Variants in CIT observed in about 807,000 individuals in gnomAD.
The protein encoded by CIT is citron rho-interacting serine/threonine kinase.
CIT carries 79 observed loss-of-function variants against 272.7 expected under a neutral mutation model. The observed-to-expected ratio is 0.29, with a 90% CI of 0.24 to 0.35. CIT has a LOEUF of 0.35. Among genes scored for constraint, CIT ranks in the 10% least tolerant of loss-of-function variants. CIT has a pLI of 1.00. For missense variants in CIT, 1,909 were observed against 2,618.3 expected (o/e 0.73, Z 5.91); for synonymous variants, 948 against 995.6 (o/e 0.95, Z 0.90).
chr12:119,729,042 A>G (rs1047301478), intron 27 of CIT, among the ~76,000 whole-genome samples: 70 of 152,246 alleles, frequency 4.6e-4, no homozygotes, highest in Non-Finnish European at 1.2e-4. Flanking sequence ...CTGTCAGCTT[A>G]TAAGTTTGAT....
intron 9 of CIT, among the ~76,000 whole-genome samples, chr12:119,820,623 A>G (rs1457605670): frequency 6.6e-6 from 1 of 152,122 alleles, no homozygotes; most frequent in African/African-American, 2.4e-5. Context: ...GAACTCTTCC[A>G]TACTATCTTT....
At chr12:119,758,877 G>T (rs1366195441) in intron 20 of CIT, among the ~76,000 whole-genome samples, 177 bp from the exon 21 acceptor site, 1 of 152,158 alleles carries the variant, frequency 6.6e-6, no homozygotes, top group Non-Finnish European at 1.5e-5. Flanking sequence ...ATGGTACTTG[G>T]TTGTTTTTTC....
chr12:119,759,071 G>A (rs1362066529), intron 20 of CIT, among the ~76,000 whole-genome samples: 4 of 152,098 alleles, frequency 2.6e-5, no homozygotes, highest in Non-Finnish European at 5.9e-5. Flanking sequence ...CCACCTCCTC[G>A]AGGGTTGTCA....
rs59380143 is a variant in CIT, at chr12:119,807,890, TAAAAA to T, written c.1112-4506_1112-4502del. On this transcript the variant is annotated intron_variant, in intron 9 of 47. Transcript: ENST00000392521. ...CCTATTGTTCACTGGGAAAAGCCAC[TAAAAA>T]AAAAAATAGAAAAAAATATTTCCAT... Among the ~76,000 whole-genome samples the T allele has an allele frequency of 7.6e-5, 11 of 144,002 alleles. No individual in the cohort carries two copies. The South Asian group carries it at 2.0e-3, about 26-fold the overall frequency. 94.5% of individuals were successfully genotyped at this position (144,002 alleles called of 152,430 possible). A position where few individuals can be genotyped will look rare whatever the true frequency, so the allele number is the denominator to read the frequency against.
At chr12:119,807,145 A>G (rs577113228) in intron 9 of CIT, among the ~76,000 whole-genome samples, 18 of 152,250 alleles carry the variant, frequency 1.2e-4, no homozygotes, top group Non-Finnish European at 2.5e-4. Context: ...ACGTTGTAAC[A>G]AGGTCCCCAG....
At chr12:119,735,861 CA>C (rs1312782119) in intron 24 of CIT, among the ~76,000 whole-genome samples, 1 of 152,088 alleles carries the variant, frequency 6.6e-6, no homozygotes, top group Non-Finnish European at 1.5e-5. Flanking sequence ...GATAATATCA[CA>C]AGCAATAAAT....
At chr12:119,803,502 G>A in intron 9 of CIT, 113 bp from the exon 10 acceptor site, 1 of 718,412 alleles carries the variant, frequency 1.4e-6, no homozygotes, top group Non-Finnish European at 2.3e-6. Context: ...TGGCACTGCA[G>A]CGCCTGCTTT....
rs889203155 is a variant in CIT, at chr12:119,770,192, G to C, written c.2208+593C>G. Reference sequence around the variant, plus strand: ...CTTGATCAAGTTAATTTGGTGATCAGAGCCTGAGACAGAATCAGGATGACT... The same window carrying C: ...CTTGATCAAGTTAATTTGGTGATCACAGCCTGAGACAGAATCAGGATGACT... On this transcript the variant is annotated intron_variant, in intron 18 of 47. Coordinates refer to ENST00000392521, the MANE Select transcript of CIT (RefSeq NM_001206999.2). This position sits in a 1 kb window ranked among gnomAD's most constrained non-coding sequence, Gnocchi z 4.4. Among the ~76,000 whole-genome samples, 2 of 152,140 alleles carry C rather than the reference G, an allele frequency of 1.3e-5. No individual in the cohort carries two copies. Among genetic ancestry groups the C allele is most frequent in the Non-Finnish European group, 2.9e-5 (2 of 68,024 alleles).
In CIT at chr12:119,719,660, T is replaced by G. The variant is rs140215248; in HGVS notation, c.3841-799A>C. 2.6e-5 allele frequency among the ~76,000 whole-genome samples: 4 copies of G among 152,258 alleles called. No homozygotes were observed. The East Asian group carries it at 7.7e-4, about 29-fold the overall frequency. The stretch of plus-strand genomic sequence containing the variant: ...GGAAATATTGAGACAACTGTCAACT[T>G]CAGCCCTCCACTCCTTCCTCCTAGG... On this transcript the variant is annotated intron_variant, in intron 30 of 47. Coordinates refer to ENST00000392521, the MANE Select transcript of CIT (RefSeq NM_001206999.2).
intron 4 of CIT, among the ~76,000 whole-genome samples, chr12:119,851,509 A>G (rs536747425): frequency 6.6e-6 from 1 of 152,316 alleles, no homozygotes; most frequent in East Asian, 1.9e-4. Context: ...AAAGAACCTG[A>G]ACATCTTGCT....
At chr12:119,704,710 C>T (rs1374222834) in intron 40 of CIT, among the ~76,000 whole-genome samples, 1 of 152,190 alleles carries the variant, frequency 6.6e-6, no homozygotes, top group East Asian at 1.9e-4. Context: ...CCTGGTAAGG[C>T]AGAATTACCC....
At chr12:119,829,376 G>A (rs985851883) in intron 7 of CIT, among the ~76,000 whole-genome samples, 2 of 151,470 alleles carry the variant, frequency 1.3e-5, no homozygotes, top group Non-Finnish European at 2.9e-5. Flanking sequence ...GAAGAGAAGA[G>A]AAGAGAAGAG....
At chr12:119,850,440 AAAGGGAAGGAAAGGG>A (rs1430600658) in intron 4 of CIT, among the ~76,000 whole-genome samples, 165 bp from the exon 5 acceptor site, 4 of 145,706 alleles carry the variant, frequency 2.7e-5, no homozygotes, top group Non-Finnish European at 6.0e-5. Flanking sequence ...AAGAAGAGGG[AAAGGGAAGGAAAGGG>A]AAGGGAAGGG....
At chr12:119,876,597 G>A (rs1301883538) in intron 1 of CIT, among the ~76,000 whole-genome samples, 1 of 152,168 alleles carries the variant, frequency 6.6e-6, no homozygotes, top group Non-Finnish European at 1.5e-5. Flanking sequence ...AGCAAGAAAA[G>A]GACAATGGGG....
intron 24 of CIT, among the ~76,000 whole-genome samples, chr12:119,736,051 T>G (rs976156060): frequency 3.3e-5 from 5 of 152,212 alleles, no homozygotes; most frequent in Non-Finnish European, 5.9e-5. Context: ...CGGGGTTTGC[T>G]AAATTACTCT....
intron 10 of CIT, among the ~76,000 whole-genome samples, chr12:119,785,778 C>T (rs1287350605): frequency 6.6e-6 from 1 of 152,106 alleles, no homozygotes; most frequent in Non-Finnish European, 1.5e-5. Context: ...TGGGGTTTCA[C>T]CATGTTGGCT....
chr12:119,850,486 G>A (rs973803922), intron 4 of CIT, among the ~76,000 whole-genome samples: 1 of 150,516 alleles, frequency 6.6e-6, no homozygotes, highest in Non-Finnish European at 1.5e-5. Context: ...GGAAGGAAAG[G>A]GAAGGGAAAG....
At position 119,788,889 on chromosome 12, in the gene CIT, C is replaced by A. The variant is rs951886148; in HGVS notation, c.1296-3824G>T. Reference sequence around the variant, plus strand: ...TTTAGAATAAAGGTGCTAAAGAAATCTTTTTCTTTAAGAATAAATAAAAAT... The same window carrying A: ...TTTAGAATAAAGGTGCTAAAGAAATATTTTTCTTTAAGAATAAATAAAAAT... On this transcript the variant is annotated intron_variant, in intron 10 of 47. Transcript: ENST00000392521. Among the ~76,000 whole-genome samples the A allele has an allele frequency of 8.5e-5, 13 of 152,108 alleles. No individual in the cohort carries two copies. The East Asian group carries it at 1.2e-3, about 14-fold the overall frequency.
rs1159116229 is a variant in CIT, at chr12:119,770,159, G to A, written c.2208+626C>T. ...GTCAACACATCTGCAAATACCACCC[G>A]AACCTTCCTTGATCAAGTTAATTTG... On this transcript the variant is annotated intron_variant, in intron 18 of 47. Coordinates refer to ENST00000392521, the MANE Select transcript of CIT (RefSeq NM_001206999.2). The surrounding 1 kb of genome is among the most constrained non-coding windows in gnomAD (Gnocchi z 4.4). 6.6e-6 allele frequency among the ~76,000 whole-genome samples: 1 copy of A among 152,060 alleles called. No individual in the cohort carries two copies. The highest frequency in any genetic ancestry group is 1.5e-5 in the Non-Finnish European group (1 of 68,006).
Sources: gnomAD v4.1 joint callset for allele counts (sites outside exome capture counted in the v4.1 genomes callset) on GRCh38, gnomAD v4.1.1 for gene constraint, Gnocchi (gnomAD v3.1) non-coding constraint, MANE v1.5 for transcripts, NCBI Gene and HGNC (gene_info 2026-07-23, HGNC 2026-07-21) for gene names.